ELFN1: variants seen among roughly 807,000 people sequenced by gnomAD.
ELFN1 encodes the protein protein ELFN1.
A neutral mutation model predicts 7.6 loss-of-function variants in ELFN1; 6 were observed. The observed-to-expected ratio is 0.79, with a 90% CI of 0.43 to 1.56. The LOEUF is 1.56. Among genes scored for constraint, ELFN1 ranks in the 40% most tolerant of loss-of-function variants. The pLI is 0.01. For synonymous variants in ELFN1, 657 were observed against 588.1 expected (o/e 1.12, Z -1.70); for missense variants, 1,169 against 1,232.2 (o/e 0.95, Z 0.77).
chr7:1,679,635 C>T (rs1778938310), intron 1 of ELFN1, among the ~76,000 whole-genome samples: 1 of 152,202 alleles, frequency 6.6e-6, no homozygotes, highest in Non-Finnish European at 1.5e-5. Flanking sequence ...ATGTTCGCAC[C>T]TGTGCACTGG....
At chr7:1,679,589 A>T (rs746397284) in intron 1 of ELFN1, among the ~76,000 whole-genome samples, 27 of 152,014 alleles carry the variant, frequency 1.8e-4, no homozygotes, top group African/African-American at 2.4e-5. Context: ...CCCGGGGAGG[A>T]TGTGGGGAGG....
At chr7:1,678,408 G>A (rs1260384087) in intron 1 of ELFN1, among the ~76,000 whole-genome samples, 5 of 152,216 alleles carry the variant, frequency 3.3e-5, no homozygotes, top group Non-Finnish European at 7.4e-5. Flanking sequence ...GGTAAGGCCC[G>A]CGCCACTGGG....
intron 2 of ELFN1, among the ~76,000 whole-genome samples, chr7:1,707,688 C>T (rs115372832): frequency 0.018 from 2,781 of 152,316 alleles, 88 homozygotes; most frequent in African/African-American, 0.063. Flanking sequence ...AAATACACAC[C>T]ATTATTATTT....
Position 1,705,567 on chromosome 7 carries a change from A to C in ELFN1, c.-455-3524A>C, listed in dbSNP as rs1779514210. ...GCACACAGTGGGCACCTCAGATGGC[A>C]GGCCTCACAGCCTCACCATGCACCT... is the stretch of plus-strand genomic sequence containing the variant. On this transcript the variant is annotated intron_variant, in intron 2 of 3. Coordinates refer to ENST00000424383, the MANE Select transcript of ELFN1 (RefSeq NM_001128636.4). The surrounding 1 kb of genome is among the most constrained non-coding windows in gnomAD (Gnocchi z 4.3). 1.3e-5 allele frequency among the ~76,000 whole-genome samples: 2 copies of C among 152,188 alleles called. No individual in the cohort carries two copies. Among genetic ancestry groups the C allele is most frequent in the Non-Finnish European group, 2.9e-5 (2 of 68,024 alleles).
At position 1,695,763 on chromosome 7, in the gene ELFN1, A is replaced by G. The variant is rs1164633011; in HGVS notation, c.-456+7613A>G. Among the ~76,000 whole-genome samples the G allele has an allele frequency of 6.6e-6, 1 of 151,112 alleles. No individual in the cohort carries two copies. Among genetic ancestry groups the G allele is most frequent in the African/African-American group, 2.4e-5 (1 of 40,950 alleles). ...ACTCCGTGTCAAAAAAAAAAAAAAA[A>G]AAAAAAAAACCGTGCTGGTTTGGTT... On this transcript the variant is annotated intron_variant, in intron 2 of 3. Transcript: ENST00000424383. The surrounding 1 kb of genome is among the most constrained non-coding windows in gnomAD (Gnocchi z 5.1).
chr7:1,668,489 G>C (rs1453435181), upstream of ELFN1, among the ~76,000 whole-genome samples: 1 of 152,246 alleles, frequency 6.6e-6, no homozygotes. Flanking sequence ...GGAGTGGATA[G>C]GCTGGGGCCC....
intron 2 of ELFN1, among the ~76,000 whole-genome samples, chr7:1,697,147 G>A (rs1216036422): frequency 6.6e-6 from 1 of 152,220 alleles, no homozygotes; most frequent in African/African-American, 2.4e-5. Context: ...TGGAGATGAG[G>A]ATGGCAACTT....
rs1038571379 is a variant in ELFN1 at position 1,735,960 on chromosome 7, C to T, written c.-293-8344C>T. Among the ~76,000 whole-genome samples the T allele has an allele frequency of 2.6e-5, 4 of 152,148 alleles. No individual in the cohort carries two copies. The highest frequency in any genetic ancestry group is 7.2e-5 in the African/African-American group (3 of 41,436). ...GACATGCCCAAGGTCACACAGCAGG[C>T]GCACGGCAGAGCCAACACCATCTCC... is the stretch of plus-strand genomic sequence containing the variant. On this transcript the variant is annotated intron_variant, in intron 3 of 3. Coordinates refer to ENST00000424383, the MANE Select transcript of ELFN1 (RefSeq NM_001128636.4). The surrounding 1 kb of genome is among the most constrained non-coding windows in gnomAD (Gnocchi z 5.9).
chr7:1,729,037 G>A (rs1475474176), intron 3 of ELFN1, among the ~76,000 whole-genome samples: 3 of 152,138 alleles, frequency 2.0e-5, no homozygotes, highest in Non-Finnish European at 4.4e-5. Flanking sequence ...TGCTCAGGAG[G>A]CAAACTCAGC....
rs1273087054 is a variant in ELFN1 at position 1,745,222 on chromosome 7, C to G, written c.626C>G (p.Thr209Ser). 3.9e-6 allele frequency: 6 copies of G among 1,542,472 alleles called. No individual in the cohort carries two copies. Among genetic ancestry groups the G allele is most frequent in the African/African-American group, 1.4e-5 (1 of 73,066 alleles). ...LGFLRWLAAF[T>S]NATQTYDRMQ... is the part of the protein sequence containing the mutation. ...TTCCTGCGCTGGCTGGCCGCCTTCA[C>G]CAACGCCACACAGACGTACGACCGC... The change falls in exon 4 of 4, where the codon ACC becomes AGC. Residue 209 changes from threonine (T) to serine (S), a missense_variant. Transcript: ENST00000424383.
At chr7:1,679,036 C>T (rs991399348) in intron 1 of ELFN1, among the ~76,000 whole-genome samples, 5 of 152,092 alleles carry the variant, frequency 3.3e-5, no homozygotes, top group Non-Finnish European at 2.9e-5. Flanking sequence ...CCATCACCTC[C>T]GCTGGGCTGC....
At chr7:1,682,608 A>ATT (rs58388763) in intron 1 of ELFN1, among the ~76,000 whole-genome samples, 9 of 123,052 alleles carry the variant, frequency 7.3e-5, no homozygotes, top group Admixed American at 2.5e-4. Flanking sequence ...GCCAGGATAA[A>ATT]TTTTTTTTTT....
upstream of ELFN1, among the ~76,000 whole-genome samples, chr7:1,666,154 C>A (rs1156243178): frequency 6.6e-6 from 1 of 152,066 alleles, no homozygotes. This position sits in a 1 kb window ranked among gnomAD's most constrained non-coding sequence, Gnocchi z 7.9. Context: ...CAGCCCGGGG[C>A]CCGCACCCCG....
intron 3 of ELFN1, among the ~76,000 whole-genome samples, chr7:1,737,896 C>A (rs1780494239): frequency 6.6e-6 from 1 of 152,228 alleles, no homozygotes; most frequent in Admixed American, 6.5e-5. Context: ...GTCTGTCCCC[C>A]TGATCAGCAC....
chr7:1,720,190 C>T (rs745387753), intron 3 of ELFN1, among the ~76,000 whole-genome samples: 5 of 152,232 alleles, frequency 3.3e-5, no homozygotes, highest in Non-Finnish European at 5.9e-5. Context: ...GCCCATTTTC[C>T]CTGTCCCAGG....
intron 3 of ELFN1, among the ~76,000 whole-genome samples, chr7:1,719,773 G>A (rs1735069032): frequency 6.6e-6 from 1 of 152,160 alleles, no homozygotes. Context: ...AGGAGGTGGG[G>A]GGCCTCCCCT....
At chr7:1,742,070 A>G (rs1415919918) in intron 3 of ELFN1, 5 of 152,084 alleles carry the variant, frequency 3.3e-5, no homozygotes, top group Admixed American at 6.5e-5. Flanking sequence ...ACACATGCAC[A>G]CACACACACG....
chr7:1,668,448 G>C (rs529192705), upstream of ELFN1, among the ~76,000 whole-genome samples: 12 of 152,372 alleles, frequency 7.9e-5, no homozygotes, highest in East Asian at 2.3e-3. Context: ...TGGGGATCCA[G>C]TACCTCTCTT....
intron 3 of ELFN1, among the ~76,000 whole-genome samples, chr7:1,724,392 C>T (rs1338020915): frequency 6.6e-6 from 1 of 152,164 alleles, no homozygotes; most frequent in East Asian, 1.9e-4. Context: ...CTTGGTCTTC[C>T]TGTTCCCTGA....
Sources: gnomAD v4.1 joint callset for allele counts (sites outside exome capture counted in the v4.1 genomes callset) on GRCh38, gnomAD v4.1.1 for gene constraint, Gnocchi (gnomAD v3.1) non-coding constraint, MANE v1.5 for transcripts, NCBI Gene and HGNC (gene_info 2026-07-23, HGNC 2026-07-21) for gene names.